Variants in PCDH15 observed in about 807,000 individuals in gnomAD.
PCDH15 encodes the protein protocadherin related 15.
In PCDH15, 129 loss-of-function variants were observed where a neutral mutation model predicts 178.5. The observed-to-expected ratio is 0.72, with a 90% CI of 0.63 to 0.84. The LOEUF (loss-of-function observed/expected upper bound fraction) is 0.84, where lower values mean the gene tolerates loss of function less well. PCDH15 is among the 40% of genes least tolerant of loss of function. The probability of loss-of-function intolerance (pLI) is 0.00; values close to 1 mark genes in which losing one functional copy is unlikely to be tolerated. For missense variants in PCDH15, 2,230 were observed against 2,099.9 expected (o/e 1.06, Z -1.21); for synonymous variants, 800 against 732.0 (o/e 1.09, Z -1.50).
chr10:54,212,612 G>A (rs371630922), intron 10 of PCDH15, among the ~76,000 whole-genome samples: 15 of 151,972 alleles, frequency 9.9e-5, no homozygotes, highest in Admixed American at 7.2e-4. Flanking sequence ...TCTGTGTGTC[G>A]TTACCGCTTT....
intron 3 of PCDH15, among the ~76,000 whole-genome samples, chr10:54,385,992 C>T (rs1949869911): frequency 6.6e-6 from 1 of 151,938 alleles, no homozygotes; most frequent in South Asian, 2.1e-4. Context: ...GTAAACTGAA[C>T]TATTCTCTTA....
intron 3 of PCDH15, among the ~76,000 whole-genome samples, chr10:54,440,584 C>T (rs1342788845): frequency 2.0e-5 from 3 of 151,736 alleles, no homozygotes; most frequent in Non-Finnish European, 4.4e-5. Context: ...TGGCATTGAA[C>T]ATTTAATTTA....
At chr10:53,896,386 T>C (rs1174129617) in intron 26 of PCDH15, among the ~76,000 whole-genome samples, 1 of 152,206 alleles carries the variant, frequency 6.6e-6, no homozygotes, top group Admixed American at 6.5e-5. Flanking sequence ...AGTTGCTTTT[T>C]TACAGTTCTT....
chr10:55,399,696 G>A (rs952808966), intron 2 of PCDH15, among the ~76,000 whole-genome samples: 1 of 152,116 alleles, frequency 6.6e-6, no homozygotes, highest in Non-Finnish European at 1.5e-5. Flanking sequence ...TGATATATGA[G>A]AGGGGGTCTC....
intron 3 of PCDH15, among the ~76,000 whole-genome samples, chr10:54,426,006 A>C (rs1335146808): frequency 6.6e-6 from 1 of 152,172 alleles, no homozygotes; most frequent in Admixed American, 6.6e-5. Flanking sequence ...CTATCAGAGA[A>C]GATGATAAAC....
chr10:54,642,534 G>A (rs774246237), intron 2 of PCDH15, among the ~76,000 whole-genome samples: 5 of 151,728 alleles, frequency 3.3e-5, no homozygotes, highest in Non-Finnish European at 7.4e-5. Flanking sequence ...TAAAAAATAC[G>A]TTGAAAGACT....
At chr10:54,046,262 T>C (rs545695772) in intron 18 of PCDH15, among the ~76,000 whole-genome samples, 10 of 152,294 alleles carry the variant, frequency 6.6e-5, no homozygotes, top group African/African-American at 2.4e-4. Flanking sequence ...CAATTTCGCA[T>C]TTCCAACAAA....
chr10:54,948,059 A>G (rs185048539), intron 2 of PCDH15, among the ~76,000 whole-genome samples: 36 of 152,096 alleles, frequency 2.4e-4, no homozygotes, highest in Admixed American at 1.9e-3. Flanking sequence ...GTTGATTTCT[A>G]TCTTCCTTCC....
In PCDH15 at chr10:54,131,943, G is replaced by A. The variant is rs75088529; in HGVS notation, c.1917+932C>T. ...GTTAATATTCGAATGGGATTTAAGC[G>A]AGATGTAGCTGTGCCTTATGTCACG... On this transcript the variant is annotated intron_variant, in intron 15 of 37. Coordinates refer to ENST00000644397, the MANE Select transcript of PCDH15 (RefSeq NM_001384140.1). Among the ~76,000 whole-genome samples, 779 of 152,232 alleles carry A rather than the reference G, an allele frequency of 5.1e-3. 10 individuals are homozygous for A. Among genetic ancestry groups the A allele is most frequent in the Middle Eastern group, 0.01 (3 of 294 alleles).
intron 27 of PCDH15, among the ~76,000 whole-genome samples, chr10:53,860,989 A>C (rs2133086252): frequency 6.6e-6 from 1 of 152,268 alleles, no homozygotes; most frequent in African/African-American, 2.4e-5. Context: ...CATTACTTTA[A>C]AATTTTTAAA....
At chr10:55,357,087 T>C (rs745903094) in intron 2 of PCDH15, among the ~76,000 whole-genome samples, 2 of 151,872 alleles carry the variant, frequency 1.3e-5, no homozygotes, top group African/African-American at 2.4e-5. Flanking sequence ...CAAGAGTACA[T>C]AGCAACAAGT....
chr10:55,088,921 T>C (rs965820145), intron 2 of PCDH15, among the ~76,000 whole-genome samples: 3 of 152,150 alleles, frequency 2.0e-5, no homozygotes, highest in Non-Finnish European at 2.9e-5. Context: ...CCCTAAAACA[T>C]ATATATTTGA....
intron 2 of PCDH15, among the ~76,000 whole-genome samples, chr10:54,570,856 C>T (rs1010023305): frequency 2.1e-5 from 3 of 145,230 alleles, no homozygotes; most frequent in African/African-American, 7.6e-5. Flanking sequence ...TTAGTAGAGA[C>T]GGAGTTTCAC....
intron 2 of PCDH15, among the ~76,000 whole-genome samples, chr10:54,563,482 A>G (rs2088530023): frequency 6.6e-6 from 1 of 152,192 alleles, no homozygotes; most frequent in African/African-American, 2.4e-5. Flanking sequence ...TTTCAGCCAA[A>G]AATACATAGA....
At position 53,959,780 on chromosome 10, in the gene PCDH15, A is replaced by G. The variant is rs2088082400; in HGVS notation, c.3074T>C (p.Leu1025Pro). ...TGGGATCTCACCAGGATGTAAGACA[A>G]GAATCTTCACTGTGGCACTGCTGGA... Reference protein sequence around the residue: ...VMSSSATVKILVLHPGEIPRF... With the variant: ...VMSSSATVKIPVLHPGEIPRF... The change falls in exon 23 of 38, where the codon CTT becomes CCT. Residue 1025 changes from leucine to proline, a missense_variant. Physicochemically the swap from Leu to Pro is moderately conservative, Grantham distance 98 (BLOSUM62 -3). Transcript: ENST00000644397. The G allele has an allele frequency of 1.3e-5, 21 of 1,614,138 alleles. No homozygotes were observed. The highest frequency in any genetic ancestry group is 1.8e-5 in the Non-Finnish European group (21 of 1,179,998).
At chr10:54,155,391 C>T (rs1037191562) in intron 13 of PCDH15, among the ~76,000 whole-genome samples, 3 of 152,064 alleles carry the variant, frequency 2.0e-5, no homozygotes, top group South Asian at 2.1e-4. Flanking sequence ...ATTCAGGGAA[C>T]ACAATTAGCT....
chr10:54,803,863 A>T (rs1357812779), upstream of PCDH15, among the ~76,000 whole-genome samples: 2 of 152,224 alleles, frequency 1.3e-5, no homozygotes, highest in African/African-American at 2.4e-5. Flanking sequence ...GAATTTTATT[A>T]AAAAATTTTA....
intron 2 of PCDH15, among the ~76,000 whole-genome samples, chr10:55,334,015 T>C (rs1844285995): frequency 6.6e-6 from 1 of 151,592 alleles, no homozygotes; most frequent in South Asian, 2.1e-4. Flanking sequence ...TTTCATACTT[T>C]AAAATAAATA....
chr10:54,959,744 C>T (rs1229309017), intron 2 of PCDH15, among the ~76,000 whole-genome samples: 1 of 151,858 alleles, frequency 6.6e-6, no homozygotes, highest in African/African-American at 2.4e-5. Context: ...GTGGAAGACA[C>T]AAAGAGGAAA....
Sources: allele counts gnomAD v4.1 joint callset (sites outside exome capture counted in the v4.1 genomes callset), GRCh38; gene constraint gnomAD v4.1.1; transcripts MANE v1.5; gene names NCBI Gene and HGNC (gene_info 2026-07-23, HGNC 2026-07-21).